Variants in OR51B5 observed in about 807,000 individuals in gnomAD.
OR51B5 encodes olfactory receptor 51B5.
For synonymous variants in OR51B5, 186 were observed against 144.8 expected (o/e 1.28, Z -2.04); for missense variants, 456 against 374.6 (o/e 1.22, Z -1.79).
intron 1 of OR51B5, among the ~76,000 whole-genome samples, chr11:5,374,416 G>T (rs1282829828): frequency 6.6e-6 from 1 of 152,146 alleles, no homozygotes; most frequent in Non-Finnish European, 1.5e-5. Flanking sequence ...ACTCTAAAAA[G>T]CAGAGCACCT....
intron 1 of OR51B5, among the ~76,000 whole-genome samples, chr11:5,396,735 C>T (rs1358160002): frequency 9.9e-5 from 15 of 151,804 alleles, no homozygotes; most frequent in African/African-American, 2.9e-4. Context: ...AAAAAGAGCC[C>T]GCATCGCCAA....
chr11:5,398,353 T>C (rs959167777), intron 1 of OR51B5, among the ~76,000 whole-genome samples: 1 of 152,236 alleles, frequency 6.6e-6, no homozygotes, highest in Non-Finnish European at 1.5e-5. Context: ...CTAATGTAAT[T>C]ACCTGGGTAA....
chr11:5,477,030 T>A, intron 1 of OR51B5, among the ~76,000 whole-genome samples: 1 of 152,198 alleles, frequency 6.6e-6, no homozygotes, highest in East Asian at 1.9e-4. Flanking sequence ...TTGTATATTT[T>A]AAAATGTGCC....
chr11:5,493,127 C>A (rs1284643613), intron 1 of OR51B5, among the ~76,000 whole-genome samples: 2 of 152,190 alleles, frequency 1.3e-5, no homozygotes, highest in Non-Finnish European at 2.9e-5. Context: ...AGTCACCTAT[C>A]TTCCACTAAA....
intron 1 of OR51B5, chr11:5,385,234 G>A (rs987022472): frequency 6.6e-6 from 1 of 152,094 alleles, no homozygotes; most frequent in East Asian, 1.9e-4. Context: ...AATGACTGTT[G>A]CTCTCCTATC....
intron 1 of OR51B5, among the ~76,000 whole-genome samples, chr11:5,486,442 G>C (rs1590024244): frequency 6.6e-6 from 1 of 151,786 alleles, no homozygotes; most frequent in African/African-American, 2.4e-5. Context: ...TGGGTTACTG[G>C]AGACCTGAGG....
chr11:5,383,880 C>T (rs61892012), intron 1 of OR51B5: 1,546 of 152,408 alleles, frequency 0.01, 15 homozygotes, highest in South Asian at 0.018. Flanking sequence ...TCCTTTGGAA[C>T]CTACTCATTG....
chr11:5,389,996 G>C, intron 1 of OR51B5: 1 of 1,612,970 alleles, frequency 6.2e-7, no homozygotes, highest in Non-Finnish European at 8.5e-7. Context: ...GATACAGCTG[G>C]CCTGCACAGA....
chr11:5,500,742 C>A lies in OR51B5; in HGVS notation n.84+4827G>T, dbSNP rs143061748. ...TGCACATGTCACCAACTGTGGGAAGCCCCTATGACCAATGAACTTTTGTTT... is the reference window on the plus strand; with the variant it reads ...TGCACATGTCACCAACTGTGGGAAGACCCTATGACCAATGAACTTTTGTTT... On this transcript the variant is annotated intron_variant and non_coding_transcript_variant, in intron 1 of 4. Coordinates refer to the OR51B5 transcript ENST00000415970. Among the ~76,000 whole-genome samples, 57 of 148,312 alleles carry A rather than the reference C, an allele frequency of 3.8e-4. 4 individuals are homozygous for A. Among genetic ancestry groups the A allele is most frequent in the African/African-American group, 1.4e-3 (57 of 41,340 alleles).
At chr11:5,454,425 T>G in intron 1 of OR51B5, 1 of 1,601,782 alleles carries the variant, frequency 6.2e-7, no homozygotes, top group African/African-American at 1.3e-5. Flanking sequence ...CATCAAAATA[T>G]GACTTTCACA....
chr11:5,463,957 T>C (rs891438657), intron 1 of OR51B5, among the ~76,000 whole-genome samples: 10 of 152,230 alleles, frequency 6.6e-5, no homozygotes, highest in Non-Finnish European at 1.5e-4. Context: ...AATGTTCATG[T>C]CAACTGTATG....
intron 1 of OR51B5, chr11:5,354,610 G>A (rs1849157739): frequency 6.4e-6 from 1 of 157,172 alleles, no homozygotes; most frequent in African/African-American, 2.4e-5. Context: ...CCCTCCTCAT[G>A]ATCCTCCCCA....
chr11:5,503,425 A>G (rs558478692), intron 1 of OR51B5, among the ~76,000 whole-genome samples: 4 of 152,024 alleles, frequency 2.6e-5, no homozygotes, highest in Non-Finnish European at 5.9e-5. Context: ...ACTTTTTTTT[A>G]CAAAGAAATA....
intron 1 of OR51B5, among the ~76,000 whole-genome samples, chr11:5,356,265 A>G (rs112670088): frequency 0.38 from 56,845 of 150,822 alleles, 10,979 homozygotes; most frequent in Non-Finnish European, 0.4. Flanking sequence ...AATAACCAAT[A>G]CAGAGAAGTC....
chr11:5,428,561 G>A (rs1850484741), intron 1 of OR51B5, among the ~76,000 whole-genome samples: 2 of 148,968 alleles, frequency 1.3e-5, no homozygotes, highest in Admixed American at 1.3e-4. Context: ...ATATAGATAT[G>A]TTTTAGCTTT....
chr11:5,382,178 G>A (rs1282991736), intron 1 of OR51B5, among the ~76,000 whole-genome samples: 3 of 152,098 alleles, frequency 2.0e-5, no homozygotes, highest in African/African-American at 7.2e-5. Flanking sequence ...TTATTCCAAG[G>A]TATTAACTCT....
chr11:5,351,785 G>A, intron 1 of OR51B5: 3 of 1,614,080 alleles, frequency 1.9e-6, no homozygotes, highest in East Asian at 2.2e-5. Flanking sequence ...ATTGGCCATG[G>A]AGCCTGCTTC....
chr11:5,488,550 T>C, intron 1 of OR51B5: 1 of 607,354 alleles, frequency 1.6e-6, no homozygotes. Flanking sequence ...GTGGTAGTCA[T>C]TTCAGATGTT....
chr11:5,403,069 C>T (rs575083094), intron 1 of OR51B5: 70 of 471,650 alleles, frequency 1.5e-4, no homozygotes, highest in African/African-American at 1.3e-3. Context: ...AAGCATTATG[C>T]TCATGGCTCC....
Sources: gnomAD v4.1 joint callset for allele counts (sites outside exome capture counted in the v4.1 genomes callset) on GRCh38, gnomAD v4.1.1 for gene constraint, MANE v1.5 for transcripts, NCBI Gene and HGNC (gene_info 2026-07-23, HGNC 2026-07-21) for gene names.